Variants in LPO observed in about 807,000 individuals in gnomAD.
LPO encodes salivary peroxidase.
Under a neutral mutation model 68.4 loss-of-function variants are expected in LPO, and 70 were observed. The observed-to-expected ratio is 1.02, with a 90% confidence interval of 0.84 to 1.25. LPO has a LOEUF of 1.25. Among genes scored for constraint, LPO ranks in the 50% most tolerant of loss-of-function variants. The pLI is 0.00. For synonymous variants in LPO, 360 were observed against 357.6 expected, an observed-to-expected ratio of 1.01 and a Z score of -0.08; for missense variants, 873 against 908.4, an observed-to-expected ratio of 0.96 and a Z score of 0.50.
At chr17:58,263,351 C>T (rs1019421462) in intron 9 of LPO, among the ~76,000 whole-genome samples, 8 of 152,154 alleles carry the variant, frequency 5.3e-5, no homozygotes, top group Admixed American at 2.6e-4. Context: ...TTACTCAAAA[C>T]GTGGCATTTC....
In LPO at chr17:58,252,491, C is replaced by T. The variant is rs1969980914; in HGVS notation, c.1090C>T (p.Pro364Ser). 6.2e-7 allele frequency: 1 copy of T among 1,611,350 alleles called. No homozygotes were observed. Among genetic ancestry groups the T allele is most frequent in the African/African-American group, 1.3e-5 (1 of 74,996 alleles). Residue 364 changes from proline to serine, a missense_variant, in exon 8 of 13, where the codon CCC becomes TCC. Transcript: ENST00000262290. ...GTTCATCAACACCACTGCCCGTGTG[C>T]CCTGCTTCCTGGCAGGTGAGTCTAG... ...CEFINTTARV[P>S]CFLAGDSRAS... is the part of the protein sequence containing the mutation.
At position 58,249,462 on chromosome 17, in the gene LPO, C is replaced by T. The variant is rs540626250; in HGVS notation, c.444-104C>T. 7.1e-4 allele frequency: 1,037 copies of T among 1,468,966 alleles called. 1 individual carries two copies. Among genetic ancestry groups the T allele is most frequent in the Non-Finnish European group, 8.5e-4 (948 of 1,110,920 alleles). The allele number at this position is 1,468,966 out of a possible 1,614,324, so 91.0% of individuals were successfully genotyped here. A position where few individuals can be genotyped will look rare whatever the true frequency, so the allele number is the denominator to read the frequency against. ...CAAATTTGAGAGGCCCCCTTCTCTGCGTCCCCTCCGCCTCGAGCAGAGGCT... is the reference window on the plus strand; with the variant it reads ...CAAATTTGAGAGGCCCCCTTCTCTGTGTCCCCTCCGCCTCGAGCAGAGGCT... On this transcript the variant is annotated intron_variant, in intron 5 of 12. Coordinates refer to ENST00000262290, the MANE Select transcript of LPO (RefSeq NM_006151.3).
chr17:58,246,673 G>T (rs1035355930), intron 3 of LPO, among the ~76,000 whole-genome samples: 1 of 152,188 alleles, frequency 6.6e-6, no homozygotes, highest in Non-Finnish European at 1.5e-5. Flanking sequence ...CTTTGTTCAC[G>T]GTGTGAGGTG....
chr17:58,255,242 A>G (rs772321026), intron 9 of LPO, among the ~76,000 whole-genome samples: 1 of 152,248 alleles, frequency 6.6e-6, no homozygotes, highest in East Asian at 1.9e-4. Flanking sequence ...CCTGGGTGCC[A>G]TTACTGGGAC....
In LPO at chr17:58,246,650, G is replaced by A. The variant is rs556328894; in HGVS notation, c.165-828G>A. On this transcript the variant is annotated intron_variant, in intron 3 of 12. Coordinates refer to ENST00000262290, the MANE Select transcript of LPO (RefSeq NM_006151.3). The stretch of plus-strand genomic sequence containing the variant: ...CAGGCTAAGCCCAGGGAGGCCCAGC[G>A]CGGCCTGCCTGCCTTTGTTCACGGT... Among the ~76,000 whole-genome samples the A allele has an allele frequency of 1.5e-4, 23 of 152,292 alleles. No individual in the cohort carries two copies. In the East Asian group the frequency reaches 3.7e-3, roughly 24 times the overall value.
chr17:58,263,529 G>A lies in LPO; in HGVS notation c.1267-1193G>A, dbSNP rs573392320. Reference sequence around the variant, plus strand: ...CGAGGCGGGTGGATCACCTGAGGTCGGGAGTTCAAGACCAGCTTGGCTAAC... The same window carrying A: ...CGAGGCGGGTGGATCACCTGAGGTCAGGAGTTCAAGACCAGCTTGGCTAAC... On this transcript the variant is annotated intron_variant, in intron 9 of 12. Coordinates refer to ENST00000262290, the MANE Select transcript of LPO (RefSeq NM_006151.3). 4.6e-5 allele frequency among the ~76,000 whole-genome samples: 7 copies of A among 152,168 alleles called. No homozygotes were observed. In the East Asian group the frequency reaches 9.7e-4, roughly 21 times the overall value.
At chr17:58,258,275 G>A (rs771542234) in intron 9 of LPO, among the ~76,000 whole-genome samples, 1 of 152,122 alleles carries the variant, frequency 6.6e-6, no homozygotes, top group Non-Finnish European at 1.5e-5. Context: ...CACAGTTTGA[G>A]GTCTTAGATT....
rs1015323335 is a variant in LPO, at chr17:58,243,792, T to C, written c.77-202T>C. On this transcript the variant is annotated intron_variant, in intron 2 of 12. Coordinates refer to ENST00000262290, the MANE Select transcript of LPO (RefSeq NM_006151.3). The stretch of plus-strand genomic sequence containing the variant: ...ATCTCAAAGAGCAATTTTGACATCT[T>C]GTTGAAGATCCAAGAGTATTCTTCC... The C allele has an allele frequency of 6.7e-6, 4 of 593,984 alleles. No individual in the cohort carries two copies. In the African/African-American group the frequency reaches 7.4e-5, roughly 11 times the overall value. The allele number at this position is 593,984 out of a possible 1,614,324, so 36.8% of individuals were successfully genotyped here.
At chr17:58,239,437 A>G (rs8178278) in intron 1 of LPO, among the ~76,000 whole-genome samples, 4,373 of 152,002 alleles carry the variant, frequency 0.029, 218 homozygotes, top group African/African-American at 0.099. Context: ...CAAATCTTTC[A>G]GTTGAAGTAG....
At position 58,250,416 on chromosome 17, in the gene LPO, C is replaced by A. The variant is rs780987953; in HGVS notation, c.575C>A (p.Ala192Asp). The change falls in exon 7 of 13, where the codon GCC (alanine) becomes GAC (aspartate). Residue 192 changes from alanine (A) to aspartate (D), a missense_variant and splice_region_variant. By Grantham distance (126) the Ala-to-Asp change is moderately radical (BLOSUM62 -2). Transcript: ENST00000262290. ...KTRNGFPLPL[A>D]REVSNKIVGY... ...CTCCCCTTCTCTCTCCATCTGTAGGCCCGGGAGGTATCTAACAAGATTGTT... is the reference window on the plus strand; with the variant it reads ...CTCCCCTTCTCTCTCCATCTGTAGGACCGGGAGGTATCTAACAAGATTGTT... The A allele has an allele frequency of 6.2e-7, 1 of 1,613,778 alleles. No individual in the cohort carries two copies. The highest frequency in any genetic ancestry group is 1.1e-5 in the South Asian group (1 of 91,076).
intron 3 of LPO, 32 bp from the exon 4 acceptor site, chr17:58,247,446 C>G (rs1352023213): frequency 1.2e-6 from 2 of 1,602,982 alleles, no homozygotes; most frequent in Non-Finnish European, 1.7e-6. Flanking sequence ...CTACAGGGTC[C>G]AGGCCATGAT....
intron 9 of LPO, among the ~76,000 whole-genome samples, chr17:58,256,412 T>G (rs1206590995): frequency 2.0e-5 from 3 of 151,946 alleles, no homozygotes; most frequent in Admixed American, 6.5e-5. Context: ...TAGGTGTTTT[T>G]TTTTTTTTTA....
chr17:58,244,499 G>A (rs1166263551), intron 3 of LPO: 1 of 183,856 alleles, frequency 5.4e-6, no homozygotes, highest in Non-Finnish European at 1.1e-5. Flanking sequence ...CATATTAGGG[G>A]AATGCTCACA....
At chr17:58,249,795 A>C in intron 6 of LPO, 100 bp downstream of exon 6, 4 of 1,420,374 alleles carry the variant, frequency 2.8e-6, no homozygotes, top group Non-Finnish European at 3.7e-6. Flanking sequence ...CGGTGGGGGC[A>C]GCAGGGGTGC....
At chr17:58,241,424 T>C (rs1310166672) in intron 1 of LPO, among the ~76,000 whole-genome samples, 4 of 152,140 alleles carry the variant, frequency 2.6e-5, no homozygotes, top group Admixed American at 6.5e-5. Context: ...TTTTTTACCA[T>C]AGTTTGTTTT....
At chr17:58,254,416 G>A (rs1414629956) in intron 8 of LPO, 1 of 155,068 alleles carries the variant, frequency 6.4e-6, no homozygotes, top group Non-Finnish European at 1.4e-5. Context: ...GCTCTGTGAA[G>A]TAAAAAGCTC....
At position 58,255,092 on chromosome 17, in the gene LPO, C is replaced by A. The variant is rs1970046979; in HGVS notation, c.1266+121C>A. ...GTTCCCACACCTCCGTTTCCCCCGG[C>A]CCCTCTGCTGCTTCTCTCTTGTTGT... is the stretch of plus-strand genomic sequence containing the variant. On this transcript the variant is annotated intron_variant, in intron 9 of 12. Coordinates refer to ENST00000262290, the MANE Select transcript of LPO (RefSeq NM_006151.3). 9 of 949,292 alleles carry A rather than the reference C, an allele frequency of 9.5e-6. No individual in the cohort carries two copies. The East Asian group carries it at 2.4e-4, about 25-fold the overall frequency. 58.8% of individuals were successfully genotyped at this position (949,292 alleles called of 1,614,324 possible).
At chr17:58,243,818 C>G in intron 2 of LPO, 176 bp from the exon 3 acceptor site, 1 of 606,984 alleles carries the variant, frequency 1.6e-6, no homozygotes, top group South Asian at 2.0e-5. Context: ...GTATTCTTCC[C>G]ATTCTGTGCT....
chr17:58,261,994 A>G (rs1332822368), intron 9 of LPO, among the ~76,000 whole-genome samples: 1 of 152,258 alleles, frequency 6.6e-6, no homozygotes, highest in Admixed American at 6.5e-5. Flanking sequence ...CATTTCTTCT[A>G]TATATGTTTT....
Sources: gnomAD v4.1 joint callset for allele counts (sites outside exome capture counted in the v4.1 genomes callset) on GRCh38, gnomAD v4.1.1 for gene constraint, MANE v1.5 for transcripts, NCBI Gene and HGNC (gene_info 2026-07-23, HGNC 2026-07-21) for gene names.